The following FSTL5 variants were observed in gnomAD, a reference collection of about 807,000 sequenced individuals.
FSTL5 encodes the protein follistatin-related protein 5.
A neutral mutation model predicts 89.1 loss-of-function variants in FSTL5; 62 were observed. The ratio of observed to expected loss-of-function variants is 0.70; its 90% CI spans 0.57 to 0.86. The LOEUF (loss-of-function observed/expected upper bound fraction) is 0.86. FSTL5 is among the 40% of genes least tolerant of loss of function. The probability of loss-of-function intolerance (pLI) is 0.00; values close to 1 mark genes in which losing one functional copy is unlikely to be tolerated. For synonymous variants in FSTL5, 383 were observed against 346.2 expected (o/e 1.11, Z -1.18); for missense variants, 1,057 against 1,001.6 (o/e 1.06, Z -0.75).
In FSTL5 at chr4:161,741,281, A is replaced by G. The variant is rs976034492; in HGVS notation, c.727+18130T>C. On this transcript the variant is annotated intron_variant, in intron 6 of 15. Transcript: ENST00000306100. ...CCTTCAGATGGAGAGATTATTCTGG[A>G]CTATTTAGGTAGGTCAAATGTAATC... Among the ~76,000 whole-genome samples, 13 of 152,314 alleles carry G rather than the reference A, an allele frequency of 8.5e-5. No individual in the cohort carries two copies. The East Asian group carries it at 2.1e-3, about 25-fold the overall frequency.
intron 3 of FSTL5, among the ~76,000 whole-genome samples, chr4:161,942,168 C>T (rs1029253308): frequency 6.6e-6 from 1 of 151,580 alleles, no homozygotes; most frequent in Non-Finnish European, 1.5e-5. Flanking sequence ...TAAATGCCTA[C>T]ATTAAAAAGA....
At chr4:161,695,352 C>G (rs1579028071) in intron 6 of FSTL5, among the ~76,000 whole-genome samples, 1 of 151,992 alleles carries the variant, frequency 6.6e-6, no homozygotes, top group East Asian at 1.9e-4. Context: ...ATAATAGTCT[C>G]CAATCTCATC....
chr4:161,942,997 A>C (rs1734633102), intron 3 of FSTL5, among the ~76,000 whole-genome samples: 1 of 152,194 alleles, frequency 6.6e-6, no homozygotes. Context: ...CATTATCGAC[A>C]CTGAGAAGTC....
intron 10 of FSTL5, among the ~76,000 whole-genome samples, chr4:161,531,943 G>A (rs752216420): frequency 2.6e-5 from 4 of 152,052 alleles, no homozygotes; most frequent in Non-Finnish European, 4.4e-5. Flanking sequence ...GGTGGCTCAC[G>A]CCTATAATCC....
intron 10 of FSTL5, among the ~76,000 whole-genome samples, chr4:161,512,970 T>C (rs528788048): frequency 6.6e-6 from 1 of 152,090 alleles, no homozygotes; most frequent in Non-Finnish European, 1.5e-5. Flanking sequence ...TTTATTGACA[T>C]ATCTTCAAGG....
chr4:162,158,548 T>C (rs1332810640), intron 1 of FSTL5, among the ~76,000 whole-genome samples: 1 of 152,046 alleles, frequency 6.6e-6, no homozygotes, highest in East Asian at 1.9e-4. Flanking sequence ...TTGAAAATGA[T>C]ATAGCTAGTT....
intron 4 of FSTL5, among the ~76,000 whole-genome samples, chr4:161,909,523 TTTC>T (rs1228985033): frequency 6.6e-5 from 10 of 152,112 alleles, no homozygotes; most frequent in Admixed American, 3.3e-4. Context: ...CCAGCAGTCT[TTTC>T]TTCTTCTCTG....
At chr4:162,082,847 A>G (rs1163676111) in intron 2 of FSTL5, among the ~76,000 whole-genome samples, 1 of 151,484 alleles carries the variant, frequency 6.6e-6, no homozygotes, top group Non-Finnish European at 1.5e-5. Context: ...CAAGGTATAA[A>G]ATAAATACTC....
intron 6 of FSTL5, among the ~76,000 whole-genome samples, chr4:161,712,515 C>A (rs1738822609): frequency 1.3e-5 from 2 of 152,030 alleles, no homozygotes; most frequent in Non-Finnish European, 2.9e-5. Flanking sequence ...GTTTAAATGA[C>A]AAAATCAGGT....
At chr4:161,591,286 T>A (rs906163052) in intron 7 of FSTL5, among the ~76,000 whole-genome samples, 1 of 152,186 alleles carries the variant, frequency 6.6e-6, no homozygotes, top group African/African-American at 2.4e-5. Flanking sequence ...AAGACGGATT[T>A]GTGGTAACCA....
At chr4:161,919,542 A>G (rs1314769519) in intron 4 of FSTL5, among the ~76,000 whole-genome samples, 4 of 152,216 alleles carry the variant, frequency 2.6e-5, no homozygotes, top group African/African-American at 4.8e-5. Flanking sequence ...GAGTAAAAAT[A>G]TTAAACAGGT....
At chr4:161,924,627 G>C (rs912430303) in intron 3 of FSTL5, among the ~76,000 whole-genome samples, 1 of 151,620 alleles carries the variant, frequency 6.6e-6, no homozygotes, top group Non-Finnish European at 1.5e-5. Context: ...AGGGCACAAA[G>C]GAGATTGAGA....
intron 2 of FSTL5, among the ~76,000 whole-genome samples, chr4:162,039,079 T>C (rs1484201208): frequency 6.6e-6 from 1 of 151,984 alleles, no homozygotes; most frequent in Non-Finnish European, 1.5e-5. Flanking sequence ...ACAGACTTCC[T>C]TTCACATGGA....
At chr4:161,498,860 AC>A (rs1730188728) in intron 12 of FSTL5, among the ~76,000 whole-genome samples, 1 of 152,100 alleles carries the variant, frequency 6.6e-6, no homozygotes, top group African/African-American at 2.4e-5. Flanking sequence ...GCACATAAAC[AC>A]AACTTATTCA....
At chr4:161,845,427 G>A (rs953914823) in intron 4 of FSTL5, among the ~76,000 whole-genome samples, 2 of 152,034 alleles carry the variant, frequency 1.3e-5, no homozygotes, top group Non-Finnish European at 1.5e-5. Flanking sequence ...CAACCACACT[G>A]GAAAATCCAT....
chr4:161,404,715 AAAC>A (rs1164698620), intron 15 of FSTL5, among the ~76,000 whole-genome samples: 4 of 152,072 alleles, frequency 2.6e-5, no homozygotes, highest in Non-Finnish European at 2.9e-5. Flanking sequence ...TTAAAAAAAA[AAAC>A]AACAATGATA....
chr4:161,734,771 G>A (rs1248914090), intron 6 of FSTL5, among the ~76,000 whole-genome samples: 1 of 152,088 alleles, frequency 6.6e-6, no homozygotes, highest in Non-Finnish European at 1.5e-5. Context: ...ATATCTAGGG[G>A]CTTTTCCTCA....
chr4:162,025,702 G>T (rs1737253026), intron 3 of FSTL5, among the ~76,000 whole-genome samples: 1 of 151,788 alleles, frequency 6.6e-6, no homozygotes, highest in Admixed American at 6.6e-5. Context: ...CATGTAATGA[G>T]TTGCAACTGT....
intron 5 of FSTL5, 88 bp from the exon 6 acceptor site, chr4:161,759,619 G>A: frequency 1.2e-6 from 1 of 824,312 alleles, no homozygotes; most frequent in Non-Finnish European, 1.7e-6. Flanking sequence ...TCACATAATA[G>A]TTCATTTCAT....
Sources: allele counts gnomAD v4.1 joint callset (sites outside exome capture counted in the v4.1 genomes callset), GRCh38; gene constraint gnomAD v4.1.1; transcripts MANE v1.5; gene names NCBI Gene and HGNC (gene_info 2026-07-23, HGNC 2026-07-21).